MAP3K20: variants seen among roughly 807,000 people sequenced by gnomAD.
MAP3K20 encodes mitogen-activated protein kinase kinase kinase 20.
Under a neutral mutation model 85.7 loss-of-function variants are expected in MAP3K20, and 40 were observed. The ratio of observed to expected loss-of-function variants is 0.47; its 90% confidence interval spans 0.36 to 0.61. The LOEUF (loss-of-function observed/expected upper bound fraction) is 0.61. MAP3K20 is among the 20% of genes least tolerant of loss of function. The pLI is 0.00. For missense variants in MAP3K20, 817 were observed against 961.7 expected, an observed-to-expected ratio of 0.85 and a Z score of 1.99; for synonymous variants, 325 against 327.7, an observed-to-expected ratio of 0.99 and a Z score of 0.09.
At chr2:173,195,014 T>C (rs977091639) in intron 7 of MAP3K20, among the ~76,000 whole-genome samples, 14 of 152,064 alleles carry the variant, frequency 9.2e-5, no homozygotes, top group African/African-American at 3.4e-4. Context: ...TAAACTTTGC[T>C]AGGGAGGCAA....
At chr2:173,259,478 T>G (rs1685237066) in intron 17 of MAP3K20, among the ~76,000 whole-genome samples, 2 of 152,326 alleles carry the variant, frequency 1.3e-5, no homozygotes, top group South Asian at 4.1e-4. Context: ...GGTCAACAAC[T>G]TCAGGTAAAT....
chr2:173,183,249 C>T (rs1424321746), intron 4 of MAP3K20, among the ~76,000 whole-genome samples: 1 of 152,096 alleles, frequency 6.6e-6, no homozygotes, highest in Non-Finnish European at 1.5e-5. Flanking sequence ...AATTGACTAG[C>T]TTGCTTGACA....
intron 3 of MAP3K20, among the ~76,000 whole-genome samples, chr2:173,174,793 A>G (rs879908801): frequency 6.6e-6 from 1 of 152,310 alleles, no homozygotes; most frequent in South Asian, 2.1e-4. Flanking sequence ...TAAAGTTAAC[A>G]TGGTTTTCGG....
At chr2:173,251,687 C>T (rs923811887) in intron 16 of MAP3K20, among the ~76,000 whole-genome samples, 2 of 152,126 alleles carry the variant, frequency 1.3e-5, no homozygotes, top group Admixed American at 1.3e-4. Context: ...TCTGGGGTAC[C>T]GTAAATACCT....
chr2:173,226,544 A>G, intron 11 of MAP3K20: 3 of 985,866 alleles, frequency 3.0e-6, no homozygotes, highest in Non-Finnish European at 3.6e-6. Flanking sequence ...AGCTCTAGAT[A>G]CAGCATTTCT....
intron 18 of MAP3K20, 62 bp from the exon 19 acceptor site, chr2:173,263,683 C>CT: frequency 6.7e-7 from 1 of 1,502,134 alleles, no homozygotes; most frequent in South Asian, 1.2e-5. Context: ...ATATGTGTGT[C>CT]TATTTGGTCA....
chr2:173,138,651 C>G (rs1688873721), intron 2 of MAP3K20, among the ~76,000 whole-genome samples: 1 of 152,158 alleles, frequency 6.6e-6, no homozygotes, highest in African/African-American at 2.4e-5. Flanking sequence ...TCCAAGGGCC[C>G]AGGTCTTTGG....
At chr2:173,157,642 T>C (rs576974843) in intron 2 of MAP3K20, among the ~76,000 whole-genome samples, 47 of 152,356 alleles carry the variant, frequency 3.1e-4, no homozygotes, top group African/African-American at 1.0e-3. Flanking sequence ...AGCACTTAGC[T>C]AATCAGATTG....
At chr2:173,262,542 G>A (rs1685321448) in intron 18 of MAP3K20, among the ~76,000 whole-genome samples, 1 of 151,970 alleles carries the variant, frequency 6.6e-6, no homozygotes, top group South Asian at 2.1e-4. Flanking sequence ...AGAAGTTGTG[G>A]TGAGCTGAGA....
At chr2:173,232,153 T>C (rs1350205503) in intron 12 of MAP3K20, 39 bp from the exon 13 acceptor site, 8 of 1,613,832 alleles carry the variant, frequency 5.0e-6, no homozygotes, top group Non-Finnish European at 6.8e-6. Flanking sequence ...ACTGACCATG[T>C]GTGAATCTTC....
At chr2:173,134,312 C>T (rs1371365409) in intron 2 of MAP3K20, among the ~76,000 whole-genome samples, 1 of 140,044 alleles carries the variant, frequency 7.1e-6, no homozygotes, top group Non-Finnish European at 1.5e-5. Flanking sequence ...AGTTCTCCAG[C>T]TCACCCTCTC....
chr2:173,239,312 A>G, intron 15 of MAP3K20, 92 bp from the exon 16 acceptor site: 1 of 1,093,138 alleles, frequency 9.1e-7, no homozygotes, highest in Non-Finnish European at 1.3e-6. Context: ...TAGAATAGAA[A>G]AAAAAAAAAA....
At chr2:173,210,445 CTG>C (rs1162926502) in intron 10 of MAP3K20, 1 of 152,888 alleles carries the variant, frequency 6.5e-6, no homozygotes, top group Non-Finnish European at 1.5e-5. Context: ...GCTTTGTCCT[CTG>C]TTGTGTAAGA....
intron 16 of MAP3K20, among the ~76,000 whole-genome samples, chr2:173,243,486 T>TA (rs1684840506): frequency 6.6e-6 from 1 of 152,122 alleles, no homozygotes; most frequent in African/African-American, 2.4e-5. Flanking sequence ...TAGAAAGACT[T>TA]ACCTTGGAAC....
At chr2:173,084,826 C>A (rs988086470) in intron 1 of MAP3K20, among the ~76,000 whole-genome samples, 1 of 152,158 alleles carries the variant, frequency 6.6e-6, no homozygotes, top group Non-Finnish European at 1.5e-5. Context: ...ACTGTGCTCA[C>A]GTATGCACTT....
At chr2:173,111,452 T>A (rs1421490279) in intron 2 of MAP3K20, among the ~76,000 whole-genome samples, 1 of 152,186 alleles carries the variant, frequency 6.6e-6, no homozygotes, top group Non-Finnish European at 1.5e-5. Flanking sequence ...TTCATCTTTG[T>A]TTTTATTGCA....
chr2:173,177,590 G>C (rs1178746048), intron 3 of MAP3K20, among the ~76,000 whole-genome samples: 1 of 151,590 alleles, frequency 6.6e-6, no homozygotes, highest in Non-Finnish European at 1.5e-5. Context: ...CACCATGCCC[G>C]GCTAATTTTT....
intron 2 of MAP3K20, among the ~76,000 whole-genome samples, chr2:173,117,572 G>A (rs1028513300): frequency 1.6e-4 from 25 of 152,022 alleles, no homozygotes; most frequent in Admixed American, 3.3e-4. Context: ...AAGCCACCAC[G>A]CCTGGCCTAT....
At chr2:173,092,719 A>G (rs1265175678) in intron 2 of MAP3K20, among the ~76,000 whole-genome samples, 2 of 152,248 alleles carry the variant, frequency 1.3e-5, no homozygotes, top group Non-Finnish European at 2.9e-5. Flanking sequence ...TTCGATGTGA[A>G]AAAGATTTTA....
Sources: allele counts gnomAD v4.1 joint callset (sites outside exome capture counted in the v4.1 genomes callset), GRCh38; gene constraint gnomAD v4.1.1; transcripts MANE v1.5; gene names NCBI Gene and HGNC (gene_info 2026-07-23, HGNC 2026-07-21).